ERBB4: variants seen among roughly 807,000 people sequenced by gnomAD.
The protein encoded by ERBB4 is receptor tyrosine-protein kinase erbB-4.
A neutral mutation model predicts 158.0 loss-of-function variants in ERBB4; 42 were observed. The observed-to-expected ratio is 0.27, with a 90% CI of 0.21 to 0.34. ERBB4 has a LOEUF of 0.34. ERBB4 is among the 10% of genes least tolerant of loss of function. The pLI, the probability that ERBB4 is intolerant of heterozygous loss-of-function variation, is 1.00. For missense variants in ERBB4, 1,333 were observed against 1,624.1 expected (o/e 0.82, Z 3.08); for synonymous variants, 583 against 558.7 (o/e 1.04, Z -0.61).
chr2:212,507,917 C>T (rs1156455765), intron 1 of ERBB4, among the ~76,000 whole-genome samples: 1 of 152,142 alleles, frequency 6.6e-6, no homozygotes, highest in Non-Finnish European at 1.5e-5. Flanking sequence ...TACAAAACAG[C>T]ATCACATGCT....
At chr2:212,008,696 A>T (rs1027333982) in intron 2 of ERBB4, among the ~76,000 whole-genome samples, 1 of 152,180 alleles carries the variant, frequency 6.6e-6, no homozygotes, top group Admixed American at 6.5e-5. Context: ...TTAATTTCAT[A>T]GGAGCATATT....
chr2:212,052,734 T>C (rs1029421630), intron 2 of ERBB4, among the ~76,000 whole-genome samples: 2 of 152,124 alleles, frequency 1.3e-5, no homozygotes, highest in Admixed American at 6.5e-5. Context: ...TAAAACCACA[T>C]CCAGAGAGTG....
chr2:212,360,237 A>C (rs952730875), intron 1 of ERBB4, among the ~76,000 whole-genome samples: 1 of 151,652 alleles, frequency 6.6e-6, no homozygotes, highest in African/African-American at 2.4e-5. Context: ...GAGGTTTCCA[A>C]AGCCTTCCTA....
chr2:211,503,294 T>A (rs2065662211), intron 20 of ERBB4, among the ~76,000 whole-genome samples: 1 of 152,094 alleles, frequency 6.6e-6, no homozygotes, highest in South Asian at 2.1e-4. Flanking sequence ...CCTAAGCGGC[T>A]GCAGCTCCTG....
chr2:212,323,552 C>A (rs571524133), intron 1 of ERBB4, among the ~76,000 whole-genome samples: 1 of 150,320 alleles, frequency 6.7e-6, no homozygotes, highest in Non-Finnish European at 1.5e-5. Flanking sequence ...GTGTGGCCTT[C>A]AGGAAGTGAC....
At chr2:212,318,276 T>C (rs1438383117) in intron 1 of ERBB4, among the ~76,000 whole-genome samples, 1 of 151,596 alleles carries the variant, frequency 6.6e-6, no homozygotes, top group Non-Finnish European at 1.5e-5. Flanking sequence ...GTTTGGGTTA[T>C]ATTGTTAAAT....
chr2:211,798,758 G>A (rs2076436378), intron 3 of ERBB4, among the ~76,000 whole-genome samples: 1 of 152,054 alleles, frequency 6.6e-6, no homozygotes, highest in African/African-American at 2.4e-5. Context: ...CAATTTTAGA[G>A]ATAGATATAT....
At chr2:211,557,520 A>G (rs978518057) in intron 20 of ERBB4, among the ~76,000 whole-genome samples, 1 of 152,158 alleles carries the variant, frequency 6.6e-6, no homozygotes, top group African/African-American at 2.4e-5. Context: ...AAAAAGCTCA[A>G]CATCACTGAT....
At chr2:212,501,681 A>AC (rs1178141699) in intron 1 of ERBB4, among the ~76,000 whole-genome samples, 1 of 152,152 alleles carries the variant, frequency 6.6e-6, no homozygotes, top group East Asian at 1.9e-4. Flanking sequence ...TCTGCTACCT[A>AC]CCATTCATCG....
chr2:211,559,173 T>A (rs1430896685), intron 20 of ERBB4, among the ~76,000 whole-genome samples: 1 of 152,126 alleles, frequency 6.6e-6, no homozygotes, highest in Non-Finnish European at 1.5e-5. Flanking sequence ...AATAATTGAA[T>A]ACCTTAAATT....
At chr2:212,153,878 C>A (rs1358718332) in intron 1 of ERBB4, among the ~76,000 whole-genome samples, 1 of 152,000 alleles carries the variant, frequency 6.6e-6, no homozygotes, top group Non-Finnish European at 1.5e-5. Flanking sequence ...GCTGTTCTAT[C>A]CCAGTTTTTT....
At chr2:211,619,070 TA>T in intron 19 of ERBB4, 106 bp downstream of exon 19, 1 of 718,432 alleles carries the variant, frequency 1.4e-6, no homozygotes, top group Admixed American at 2.1e-5. Flanking sequence ...AATATTTCCA[TA>T]AGAGAAATTT....
At chr2:212,371,461 G>C (rs2090083327) in intron 1 of ERBB4, among the ~76,000 whole-genome samples, 1 of 152,088 alleles carries the variant, frequency 6.6e-6, no homozygotes, top group African/African-American at 2.4e-5. Context: ...CTACATGCTG[G>C]TTTCTTTCTT....
intron 2 of ERBB4, among the ~76,000 whole-genome samples, chr2:212,024,401 C>T (rs146960788): frequency 6.6e-6 from 1 of 151,904 alleles, no homozygotes; most frequent in African/African-American, 2.4e-5. Flanking sequence ...TTATTTATGA[C>T]ATACCCCACC....
chr2:211,548,977 C>T (rs564411947), intron 20 of ERBB4, among the ~76,000 whole-genome samples: 2 of 152,050 alleles, frequency 1.3e-5, no homozygotes, highest in Non-Finnish European at 2.9e-5. Flanking sequence ...TTCACCAGTT[C>T]CACAAAAGAA....
chr2:212,152,108 T>C (rs1009248422), intron 1 of ERBB4, among the ~76,000 whole-genome samples: 1 of 152,174 alleles, frequency 6.6e-6, no homozygotes, highest in African/African-American at 2.4e-5. Context: ...TAAGGCTCTA[T>C]TGTTTTTTTA....
rs537693766 is a variant in ERBB4 at position 211,417,588 on chromosome 2, G to C, written c.3135+2853C>G. On this transcript the variant is annotated intron_variant, in intron 25 of 27. Coordinates refer to ENST00000342788, the MANE Select transcript of ERBB4 (RefSeq NM_005235.3). ...TTAAATTTGTATTCATCAACTTTCTGGACAAATATAAACATTGTATTTTGA... is the reference window on the plus strand; with the variant it reads ...TTAAATTTGTATTCATCAACTTTCTCGACAAATATAAACATTGTATTTTGA... Among the ~76,000 whole-genome samples the C allele has an allele frequency of 1.6e-4, 24 of 152,154 alleles. No homozygotes were observed. In the East Asian group the frequency reaches 3.9e-3, roughly 24 times the overall value.
chr2:212,133,617 A>G (rs2080179038), intron 1 of ERBB4, among the ~76,000 whole-genome samples: 3 of 150,594 alleles, frequency 2.0e-5, no homozygotes, highest in African/African-American at 7.3e-5. Context: ...AAATAAATAT[A>G]TGGACTTCAG....
Position 212,505,863 on chromosome 2 carries a change from T to G in ERBB4, c.82+32586A>C, listed in dbSNP as rs1018593023. Among the ~76,000 whole-genome samples, 2 of 148,820 alleles carry G rather than the reference T, an allele frequency of 1.3e-5. 1 individual carries two copies. Among genetic ancestry groups the G allele is most frequent in the Non-Finnish European group, 3.0e-5 (2 of 65,940 alleles). On this transcript the variant is annotated intron_variant, in intron 1 of 27. Coordinates refer to ENST00000342788, the MANE Select transcript of ERBB4 (RefSeq NM_005235.3). ...ATCTACGACACAGTACAAGGCTACT[T>G]AGTAGGAGGTATATAGGGTAAAATA...
Sources: allele counts gnomAD v4.1 joint callset (sites outside exome capture counted in the v4.1 genomes callset), GRCh38; gene constraint gnomAD v4.1.1; transcripts MANE v1.5; gene names NCBI Gene and HGNC (gene_info 2026-07-23, HGNC 2026-07-21).